SMPD4: variants seen among roughly 807,000 people sequenced by gnomAD.
SMPD4 encodes the protein neutral sphingomyelinase 3.
Under a neutral mutation model 97.8 loss-of-function variants are expected in SMPD4, and 58 were observed. That is an observed-to-expected ratio of 0.59 (90% confidence interval 0.48 to 0.74). SMPD4 has a LOEUF of 0.74. Ranked by LOEUF, SMPD4 falls within the 30% of genes least tolerant of loss-of-function variation. The pLI is 0.00. For synonymous variants in SMPD4, 388 were observed against 450.0 expected, an observed-to-expected ratio of 0.86 and a Z score of 1.74; for missense variants, 853 against 1,080.5, an observed-to-expected ratio of 0.79 and a Z score of 2.95.
Position 130,152,694 on chromosome 2 carries a change from G to A in SMPD4, c.2345C>T (p.Ser782Leu), listed in dbSNP as rs1432615634. 9.5e-6 allele frequency: 15 copies of A among 1,574,794 alleles called. No individual in the cohort carries two copies. The highest frequency in any genetic ancestry group is 4.7e-5 in the East Asian group (2 of 42,654). Residue 782 changes from serine to leucine, a missense_variant, in exon 20 of 20, where the codon TCG becomes TTG. By Grantham distance (145) the Ser-to-Leu change is moderately radical. Coordinates refer to ENST00000680298, the MANE Select transcript of SMPD4 (RefSeq NM_017951.5). ...RFLGSYRTLVSLLLAFFVASL... is the reference protein window; with the variant it reads ...RFLGSYRTLVLLLLAFFVASL... ...GGCCACGAAGAAGGCCAGCAGCAGCGAGACCAGCGTCCGGTAACTGCCCAG... is the reference window on the plus strand; with the variant it reads ...GGCCACGAAGAAGGCCAGCAGCAGCAAGACCAGCGTCCGGTAACTGCCCAG...
intron 8 of SMPD4, 106 bp downstream of exon 8, chr2:130,172,243 T>C (rs1688541068): frequency 7.8e-7 from 1 of 1,281,676 alleles, no homozygotes; most frequent in Non-Finnish European, 1.1e-6. Flanking sequence ...ATAAGAAAAA[T>C]TGGGGAACCG....
Position 130,172,436 on chromosome 2 carries a change from T to C in SMPD4, c.572A>G (p.Tyr191Cys), listed in dbSNP as rs1688561205. 1.2e-6 allele frequency: 2 copies of C among 1,612,184 alleles called. No homozygotes were observed. The highest frequency in any genetic ancestry group is 1.7e-6 in the Non-Finnish European group (2 of 1,179,114). ...DCAYFILVDR[Y>C]LSWFLPTEGS... The stretch of plus-strand genomic sequence containing the variant: ...TTCGGTGGGCAGGAACCATGACAGG[T>C]ACCTGTCCACCAGGATGAAATAGGC... The change falls in exon 8 of 20, where the codon TAC becomes TGC. Residue 191 changes from tyrosine to cysteine, a missense_variant. Around this residue, in one of 3 missense-constraint regions of SMPD4, gnomAD observed 313 missense variants for 402.2 expected, o/e 0.78. Coordinates refer to ENST00000680298, the MANE Select transcript of SMPD4 (RefSeq NM_017951.5).
intron 9 of SMPD4, among the ~76,000 whole-genome samples, chr2:130,166,014 T>G (rs1459031494): frequency 6.6e-6 from 1 of 152,028 alleles, no homozygotes; most frequent in African/African-American, 2.4e-5. Flanking sequence ...TAATTAAATT[T>G]TTTTCTTAGT....
intron 10 of SMPD4, among the ~76,000 whole-genome samples, chr2:130,162,512 C>T (rs527609295): frequency 2.6e-5 from 4 of 152,262 alleles, no homozygotes; most frequent in African/African-American, 9.6e-5. Flanking sequence ...CACATAGTTC[C>T]CCAGTGTGGC....
intron 11 of SMPD4, among the ~76,000 whole-genome samples, chr2:130,159,850 G>A (rs1026284915): frequency 2.0e-5 from 3 of 152,116 alleles, no homozygotes; most frequent in Admixed American, 6.5e-5. Context: ...ACCTCCACAT[G>A]TGAACTGGAA....
intron 1 of SMPD4, among the ~76,000 whole-genome samples, chr2:130,179,154 C>T (rs1202072157): frequency 6.8e-6 from 1 of 147,092 alleles, no homozygotes; most frequent in East Asian, 2.0e-4. Context: ...GACAGAGTCT[C>T]GCTCTGTTGC....
intron 14 of SMPD4, 66 bp from the exon 15 acceptor site, chr2:130,155,325 C>T (rs1289362530): frequency 5.7e-6 from 9 of 1,592,500 alleles, no homozygotes; most frequent in South Asian, 3.4e-5. Flanking sequence ...ATGCCCGGTC[C>T]GTGCCCCTAA....
intron 14 of SMPD4, 39 bp downstream of exon 14, chr2:130,155,996 G>A (rs1283611646): frequency 1.9e-6 from 3 of 1,588,976 alleles, no homozygotes; most frequent in Non-Finnish European, 2.6e-6. Flanking sequence ...TCCACCTGGG[G>A]GAGCCAGTGG....
At chr2:130,180,199 G>C (rs1455560112) in intron 1 of SMPD4, among the ~76,000 whole-genome samples, 2 of 151,354 alleles carry the variant, frequency 1.3e-5, no homozygotes, top group South Asian at 4.2e-4. Flanking sequence ...TCCTGACCTC[G>C]TGATCCGCCC....
chr2:130,157,445 T>C (rs564845526), intron 11 of SMPD4, 49 bp from the exon 12 acceptor site: 35 of 1,608,382 alleles, frequency 2.2e-5, no homozygotes, highest in African/African-American at 5.3e-5. Context: ...GTGGCACCCA[T>C]AGCACTCCGC....
chr2:130,176,457 C>G, intron 2 of SMPD4, 97 bp downstream of exon 2: 2 of 968,222 alleles, frequency 2.1e-6, no homozygotes, highest in Non-Finnish European at 3.1e-6. Context: ...AAAAAACAAC[C>G]ACTACAGAGT....
Position 130,156,066 on chromosome 2 carries a change from C to T in SMPD4, c.1258G>A (p.Asp420Asn), listed in dbSNP as rs143785790. Residue 420 changes from aspartate to asparagine, a missense_variant, in exon 14 of 20, where the codon GAC becomes AAC. This residue lies in a region of SMPD4 where 511 missense variants were observed against 608.1 expected (regional missense o/e 0.84). Coordinates refer to ENST00000680298, the MANE Select transcript of SMPD4 (RefSeq NM_017951.5). The part of the protein sequence containing the change: ...YAPDKQAPGS[D>N]SQPRCVSEKW... ...TCCGACACACACCGGGGCTGGGAGT[C>T]GCTGCCCGGAGCCTGCTTGTCAGGC... 1.1e-5 allele frequency: 18 copies of T among 1,611,352 alleles called. No individual in the cohort carries two copies. Among genetic ancestry groups the T allele is most frequent in the Admixed American group, 6.7e-5 (4 of 60,002 alleles).
At chr2:130,179,572 G>T (rs1315015738) in intron 1 of SMPD4, among the ~76,000 whole-genome samples, 1 of 150,892 alleles carries the variant, frequency 6.6e-6, no homozygotes. Context: ...ATTTTTAGTA[G>T]AGGCGGGTTT....
chr2:130,156,228 TG>T, intron 13 of SMPD4, 93 bp from the exon 14 acceptor site: 2 of 1,100,936 alleles, frequency 1.8e-6, no homozygotes, highest in East Asian at 5.1e-5. Context: ...TGGGTGGGAC[TG>T]ACTCTTCTCA....
rs887412993 is a variant in SMPD4, at chr2:130,152,829, C to T, written c.2210G>A (p.Cys737Tyr). The T allele has an allele frequency of 4.4e-6, 7 of 1,602,250 alleles. No homozygotes were observed. Among genetic ancestry groups the T allele is most frequent in the African/African-American group, 2.7e-5 (2 of 74,554 alleles). Reference sequence around the variant, plus strand: ...CCCAGGTTCTGTGAGGTGGTAGCGACAGAAGCTGCCGAGGAAGTCATCCCG... The same window carrying T: ...CCCAGGTTCTGTGAGGTGGTAGCGATAGAAGCTGCCGAGGAAGTCATCCCG... ...CSRDDFLGSF[C>Y]RYHLTEPGLA... Residue 737 changes from cysteine (C) to tyrosine (Y), a missense_variant, in exon 20 of 20, where the codon TGT becomes TAT. Cys to Tyr is a radical substitution (Grantham distance 194). Coordinates refer to ENST00000680298, the MANE Select transcript of SMPD4 (RefSeq NM_017951.5).
At chr2:130,181,505 C>G (rs746713309) in intron 1 of SMPD4, 25 bp downstream of exon 1, 11 of 1,591,364 alleles carry the variant, frequency 6.9e-6, no homozygotes, top group Middle Eastern at 3.3e-4. Flanking sequence ...CGGACCGTCT[C>G]AGGCGCGCAT....
In SMPD4 at chr2:130,154,435, G is replaced by A; in HGVS notation, c.1501C>T (p.His501Tyr). The change falls in exon 16 of 20, where the codon CAC (histidine) becomes TAC (tyrosine). Residue 501 changes from histidine to tyrosine, a missense_variant. By Grantham distance (83) the His-to-Tyr change is moderately conservative (BLOSUM62 2). Coordinates refer to ENST00000680298, the MANE Select transcript of SMPD4 (RefSeq NM_017951.5). ...EPELVIPHRQ[H>Y]RLFTAPTFTG... ...AATGTGGGGGCCGTGAAGAGTCGGT[G>A]CTGGCGGTGGGGGATGACCAGCTCT... The A allele has an allele frequency of 6.4e-7, 1 of 1,570,766 alleles. No individual in the cohort carries two copies. The highest frequency in any genetic ancestry group is 8.6e-7 in the Non-Finnish European group (1 of 1,156,964).
intron 1 of SMPD4, 75 bp from the exon 2 acceptor site, chr2:130,176,712 G>C: frequency 7.8e-7 from 1 of 1,282,052 alleles, no homozygotes; most frequent in Non-Finnish European, 1.1e-6. Flanking sequence ...TTTAGAGACA[G>C]GGTCTTGTTC....
rs901331913 is a variant in SMPD4, at chr2:130,156,764, G to A, written c.1098-89C>T. 1.3e-5 allele frequency: 21 copies of A among 1,556,344 alleles called. No individual in the cohort carries two copies. The African/African-American group carries it at 1.9e-4, about 14-fold the overall frequency. On this transcript the variant is annotated intron_variant, in intron 12 of 19. Coordinates refer to ENST00000680298, the MANE Select transcript of SMPD4 (RefSeq NM_017951.5). ...CCCAGGGCTCCCATCAGTGAGGGTT[G>A]GCTCCGCCGGGGGAGAGCACTGGGC...
Sources: gnomAD v4.1 joint callset for allele counts (sites outside exome capture counted in the v4.1 genomes callset) on GRCh38, gnomAD v4.1.1 for gene constraint, gnomAD v4.1.1 regional missense constraint, MANE v1.5 for transcripts, NCBI Gene and HGNC (gene_info 2026-07-23, HGNC 2026-07-21) for gene names.